CYP4A22: variants seen among roughly 807,000 people sequenced by gnomAD.
CYP4A22 encodes the protein cytochrome P450 4A22.
In CYP4A22, 46 loss-of-function variants were observed where a neutral mutation model predicts 56.2. That is an observed-to-expected ratio of 0.82 (90% CI 0.65 to 1.05). The LOEUF is 1.05. Ranked by LOEUF, CYP4A22 falls within the 50% of genes least tolerant of loss-of-function variation. The probability of loss-of-function intolerance (pLI) is 0.00; values close to 1 mark genes in which losing one functional copy is unlikely to be tolerated. For synonymous variants in CYP4A22, 193 were observed against 251.1 expected, an observed-to-expected ratio of 0.77 and a Z score of 2.19; for missense variants, 541 against 645.9, an observed-to-expected ratio of 0.84 and a Z score of 1.76.
In CYP4A22 at chr1:47,146,123, A is replaced by G. The variant is rs766602047; in HGVS notation, c.1334A>G (p.His445Arg). 2 of 1,614,092 alleles carry G rather than the reference A, an allele frequency of 1.2e-6. No individual in the cohort carries two copies. Among genetic ancestry groups the G allele is most frequent in the Admixed American group, 3.3e-5 (2 of 60,012 alleles). The change falls in exon 11 of 12, where the codon CAC becomes CGC. Residue 445 changes from histidine (H) to arginine (R), a missense_variant. By Grantham distance (29) the His-to-Arg change is conservative (BLOSUM62 0). Around this residue, in one of 3 missense-constraint regions of CYP4A22, gnomAD observed 204 missense variants for 258.9 expected, o/e 0.79. Transcript: ENST00000371891. Reference protein sequence around the residue: ...RFAPGSAQHSHAFLPFSGGSR... With the variant: ...RFAPGSAQHSRAFLPFSGGSR... ...GCACCGGGTTCTGCTCAACACAGCCACGCTTTCCTGCCCTTCTCAGGAGGA... is the reference window on the plus strand; with the variant it reads ...GCACCGGGTTCTGCTCAACACAGCCGCGCTTTCCTGCCCTTCTCAGGAGGA...
chr1:47,148,498 G>A (rs1645098632), intron 11 of CYP4A22, 104 bp from the exon 12 acceptor site: 1 of 1,446,426 alleles, frequency 6.9e-7, no homozygotes, highest in Non-Finnish European at 9.3e-7. Context: ...CATGAGGTTG[G>A]GCACTGAATG....
At chr1:47,141,503 G>T in intron 2 of CYP4A22, 68 bp from the exon 3 acceptor site, 1 of 1,563,046 alleles carries the variant, frequency 6.4e-7, no homozygotes. Flanking sequence ...ACCAAGAACT[G>T]ATGCTGCCTC....
At chr1:47,143,711 C>G (rs372209859) in intron 5 of CYP4A22, 51 bp from the exon 6 acceptor site, 1 of 1,541,214 alleles carries the variant, frequency 6.5e-7, no homozygotes, top group South Asian at 1.3e-5. Flanking sequence ...ATTCTACTTC[C>G]GGGTAATGGG....
Position 47,144,949 on chromosome 1 carries a change from G to A in CYP4A22, c.1201G>A (p.Asp401Asn), listed in dbSNP as rs1361582544. The A allele has an allele frequency of 7.4e-6, 12 of 1,614,080 alleles. No individual in the cohort carries two copies. The highest frequency in any genetic ancestry group is 1.1e-5 in the South Asian group (1 of 91,090). The stretch of plus-strand genomic sequence containing the variant: ...GCTCAGCACTCCCGTCACCTTCCCT[G>A]ATGGGCGCTCCTTGCCCAAAGGTAT... ...RELSTPVTFP[D>N]GRSLPKGIMV... The change falls in exon 9 of 12, where the codon GAT becomes AAT. Residue 401 changes from aspartate (D) to asparagine (N), a missense_variant. Transcript: ENST00000371891.
At position 47,142,155 on chromosome 1, in the gene CYP4A22, C is replaced by T. The variant is rs147010308; in HGVS notation, c.430C>T (p.Arg144Trp). The T allele has an allele frequency of 5.5e-4, 893 of 1,613,844 alleles. 3 individuals are homozygous for T. The African/African-American group carries it at 9.7e-3, about 18-fold the overall frequency. ...TGGGCAGACATGGTTCCAGCATCGACGGATGCTGACCCCAGCCTTCCACAA... is the reference window on the plus strand; with the variant it reads ...TGGGCAGACATGGTTCCAGCATCGATGGATGCTGACCCCAGCCTTCCACAA... ...LNGQTWFQHR[R>W]MLTPAFHNDI... Residue 144 changes from arginine (R) to tryptophan (W), a missense_variant, in exon 4 of 12, where the codon CGG becomes TGG. Transcript: ENST00000371891.
intron 1 of CYP4A22, among the ~76,000 whole-genome samples, chr1:47,137,886 T>C (rs111360689): frequency 2.4e-3 from 371 of 152,332 alleles, no homozygotes; most frequent in African/African-American, 8.3e-3. Flanking sequence ...TCCTCAGCTC[T>C]ATCACACATG....
rs1644987241 is a variant in CYP4A22, at chr1:47,139,865, G to A, written c.196-915G>A. ...AAAGCAAAGCTGAGTCTTGAAAGCTGAGGAGAGGTGGCTGCTCTGTGGCAG... is the reference window on the plus strand; with the variant it reads ...AAAGCAAAGCTGAGTCTTGAAAGCTAAGGAGAGGTGGCTGCTCTGTGGCAG... On this transcript the variant is annotated intron_variant, in intron 1 of 11. Coordinates refer to ENST00000371891, the MANE Select transcript of CYP4A22 (RefSeq NM_001010969.4). 2.0e-5 allele frequency among the ~76,000 whole-genome samples: 3 copies of A among 152,248 alleles called. No homozygotes were observed. The South Asian group carries it at 6.2e-4, about 31-fold the overall frequency.
At position 47,140,908 on chromosome 1, in the gene CYP4A22, T is replaced by A. The variant is rs1645001312; in HGVS notation, c.324T>A (p.Ile108=). 3 of 1,613,970 alleles carry A rather than the reference T, an allele frequency of 1.9e-6. No individual in the cohort carries two copies. Among genetic ancestry groups the A allele is most frequent in the Non-Finnish European group, 2.5e-6 (3 of 1,180,004 alleles). Residue 108 remains isoleucine (I), a synonymous_variant, in exon 2 of 12, where the codon ATT becomes ATA. Transcript: ENST00000371891. Reference sequence around the variant, plus strand: ...ATGACCCTGACTATATGAAGGTGATTCTGGGGAGATCAGGTGAGATCGAAC... The same window carrying A: ...ATGACCCTGACTATATGAAGGTGATACTGGGGAGATCAGGTGAGATCGAAC... The part of the protein sequence containing the change: ...QLYDPDYMKV[I]LGRSDPKSHG...
rs369656798 is a variant in CYP4A22, at chr1:47,148,783, A to C, written c.1546A>C (p.Lys516Gln). Residue 516 changes from lysine (K) to glutamine (Q), a missense_variant, in exon 12 of 12, where the codon AAG becomes CAG. By Grantham distance (53) the Lys-to-Gln change is moderately conservative (BLOSUM62 1). This residue lies in a region of CYP4A22 where 204 missense variants were observed against 258.9 expected (regional missense o/e 0.79). Transcript: ENST00000371891. The stretch of plus-strand genomic sequence containing the variant: ...GAGGCTCCCTAACCCTTGTGAAGAC[A>C]AGGACCAGCTTTGAGGGCCTCCACC... ...LRRLPNPCED[K>Q]DQL is the part of the protein sequence containing the mutation. 1.7e-5 allele frequency: 28 copies of C among 1,608,636 alleles called. No individual in the cohort carries two copies. Among genetic ancestry groups the C allele is most frequent in the Middle Eastern group, 1.7e-4 (1 of 6,058 alleles).
At chr1:47,145,067 T>A in intron 9 of CYP4A22, 97 bp downstream of exon 9, 1 of 1,529,564 alleles carries the variant, frequency 6.5e-7, no homozygotes, top group Non-Finnish European at 8.8e-7. Context: ...CATCTCTGGG[T>A]CTCCCTTTTG....
At position 47,137,500 on chromosome 1, in the gene CYP4A22, C is replaced by A. The variant is rs201783363; in HGVS notation, c.15C>A (p.Val5=). The A allele has an allele frequency of 6.2e-7, 1 of 1,612,680 alleles. No homozygotes were observed. The highest frequency in any genetic ancestry group is 1.7e-5 in the Admixed American group (1 of 59,958). Residue 5 remains valine, a synonymous_variant, in exon 1 of 12, where the codon GTC becomes GTA. Transcript: ENST00000371891. ...GGTGCTGCACCATGAGTGTCTCTGT[C>A]CTGAGCCCCAGCAGACGCCTGGGTG... MSVS[V]LSPSRRLGGV...
chr1:47,148,822 T>G lies in CYP4A22; in HGVS notation c.*25T>G, dbSNP rs1373130335. 6.3e-7 allele frequency: 1 copy of G among 1,576,066 alleles called. No homozygotes were observed. The highest frequency in any genetic ancestry group is 1.2e-5 in the South Asian group (1 of 84,082). On this transcript the variant is annotated 3_prime_UTR_variant, in exon 12 of 12. Transcript: ENST00000371891. Reference sequence around the variant, plus strand: ...AGGGCCTCCACCTGCCATCCTGTCTTCCTGACCCCCACTCCTATCTCCTGC... The same window carrying G: ...AGGGCCTCCACCTGCCATCCTGTCTGCCTGACCCCCACTCCTATCTCCTGC...
intron 8 of CYP4A22, 24 bp from the exon 9 acceptor site, chr1:47,144,813 G>T (rs1645057489): frequency 1.2e-6 from 2 of 1,612,936 alleles, no homozygotes; most frequent in South Asian, 2.2e-5. Flanking sequence ...GGCCTTGCTG[G>T]TGTTCAGGAT....
At chr1:47,141,679 A>C in intron 3 of CYP4A22, 64 bp downstream of exon 3, 1 of 1,576,248 alleles carries the variant, frequency 6.3e-7, no homozygotes, top group Non-Finnish European at 8.7e-7. Context: ...TATTTGGCTC[A>C]CAGAGAACAA....
At chr1:47,146,216 A>G in intron 11 of CYP4A22, 63 bp downstream of exon 11, 5 of 1,612,906 alleles carry the variant, frequency 3.1e-6, no homozygotes, top group Non-Finnish European at 4.2e-6. Context: ...CAACCCTCTG[A>G]TCTTTGTGAG....
intron 1 of CYP4A22, among the ~76,000 whole-genome samples, chr1:47,138,302 A>G (rs1054725303): frequency 8.5e-5 from 13 of 152,166 alleles, no homozygotes; most frequent in African/African-American, 2.2e-4. Flanking sequence ...AAACCTGACA[A>G]TTGTGGGTAC....
intron 1 of CYP4A22, among the ~76,000 whole-genome samples, chr1:47,139,266 TG>T (rs771753472): frequency 7.2e-5 from 11 of 152,210 alleles, no homozygotes; most frequent in Non-Finnish European, 1.3e-4. Context: ...CTTTTTTCTA[TG>T]GGCTATCCTC....
In CYP4A22 at chr1:47,144,759, G is replaced by T; in HGVS notation, c.1088+19G>T. ...TCACCTGGTGAGTGAGGGCTCAAAA[G>T]ATGGGGTTCCCTGCCTTCTCCACAG... is the stretch of plus-strand genomic sequence containing the variant. On this transcript the variant is annotated intron_variant, in intron 8 of 11. Coordinates refer to ENST00000371891, the MANE Select transcript of CYP4A22 (RefSeq NM_001010969.4). The T allele has an allele frequency of 1.9e-6, 3 of 1,613,102 alleles. No individual in the cohort carries two copies. The highest frequency in any genetic ancestry group is 2.5e-6 in the Non-Finnish European group (3 of 1,179,496).
chr1:47,141,529 A>G (rs764919434), intron 2 of CYP4A22, 42 bp from the exon 3 acceptor site: 4 of 1,602,198 alleles, frequency 2.5e-6, no homozygotes, highest in Non-Finnish European at 3.4e-6. Flanking sequence ...CTGCCTTCTT[A>G]GTAACTCCTA....
Sources: gnomAD v4.1 joint callset for allele counts (sites outside exome capture counted in the v4.1 genomes callset) on GRCh38, gnomAD v4.1.1 for gene constraint, gnomAD v4.1.1 regional missense constraint, MANE v1.5 for transcripts, NCBI Gene and HGNC (gene_info 2026-07-23, HGNC 2026-07-21) for gene names.